Variants in PARD3 observed in about 807,000 individuals in gnomAD.
PARD3 encodes par-3 family cell polarity regulator, also known as partitioning defective 3 homolog.
PARD3 carries 75 observed loss-of-function variants against 155.4 expected under a neutral mutation model. That is an observed-to-expected ratio of 0.48 (90% confidence interval 0.40 to 0.58). The LOEUF (loss-of-function observed/expected upper bound fraction) is 0.58, where lower values mean the gene tolerates loss of function less well. Ranked by LOEUF, PARD3 falls within the 20% of genes least tolerant of loss-of-function variation. The pLI is 0.00. For missense variants in PARD3, 1,642 were observed against 1,721.7 expected, an observed-to-expected ratio of 0.95 and a Z score of 0.82; for synonymous variants, 576 against 610.5, an observed-to-expected ratio of 0.94 and a Z score of 0.83.
intron 3 of PARD3, among the ~76,000 whole-genome samples, chr10:34,493,682 A>C (rs1469212712): frequency 6.6e-6 from 1 of 152,030 alleles, no homozygotes; most frequent in Non-Finnish European, 1.5e-5. Context: ...CAGTGATCCA[A>C]GATAGTGCCA....
chr10:34,649,116 G>C (rs1258846184), intron 2 of PARD3, among the ~76,000 whole-genome samples: 1 of 152,158 alleles, frequency 6.6e-6, no homozygotes, highest in African/African-American at 2.4e-5. Context: ...TGAGCATACA[G>C]AGACATGCAT....
At chr10:34,140,254 T>C (rs1342347505) in intron 22 of PARD3, among the ~76,000 whole-genome samples, 1 of 152,206 alleles carries the variant, frequency 6.6e-6, no homozygotes, top group Non-Finnish European at 1.5e-5. Flanking sequence ...TGTTTCTTCT[T>C]GGAGAAAAAA....
intron 3 of PARD3, among the ~76,000 whole-genome samples, chr10:34,479,987 G>A (rs74132024): frequency 0.057 from 8,666 of 152,284 alleles, 813 homozygotes; most frequent in African/African-American, 0.2. Flanking sequence ...GGCCACAGCT[G>A]CACAAAAGCC....
intron 1 of PARD3, among the ~76,000 whole-genome samples, chr10:34,805,562 TATATAC>T (rs1167506812): frequency 5.4e-5 from 8 of 148,594 alleles, no homozygotes; most frequent in African/African-American, 7.4e-5. Context: ...TATATATATA[TATATAC>T]ACCGTACAGT....
chr10:34,142,818 A>G (rs1948263341), intron 22 of PARD3, among the ~76,000 whole-genome samples: 1 of 152,226 alleles, frequency 6.6e-6, no homozygotes, highest in South Asian at 2.1e-4. Flanking sequence ...AATAGGTTAG[A>G]GAACTGAAGA....
At chr10:34,176,177 G>A (rs1441019) in intron 22 of PARD3, among the ~76,000 whole-genome samples, 69,622 of 152,010 alleles carry the variant, frequency 0.46, 16,696 homozygotes, top group Non-Finnish European at 0.54. Context: ...TTTTCTATGC[G>A]TTTGGGCTCC....
intron 5 of PARD3, among the ~76,000 whole-genome samples, chr10:34,410,341 T>C (rs1844923186): frequency 6.6e-6 from 1 of 151,946 alleles, no homozygotes; most frequent in South Asian, 2.1e-4. Flanking sequence ...TCTTACATAG[T>C]AATAATAAAA....
intron 1 of PARD3, among the ~76,000 whole-genome samples, chr10:34,743,711 A>C (rs933057754): frequency 5.3e-5 from 8 of 152,206 alleles, no homozygotes; most frequent in African/African-American, 1.9e-4. Flanking sequence ...ACTTGAAGTC[A>C]TTGTTCCATT....
intron 24 of PARD3, among the ~76,000 whole-genome samples, chr10:34,117,084 C>T (rs1946716474): frequency 1.3e-5 from 2 of 152,178 alleles, no homozygotes; most frequent in South Asian, 4.1e-4. Flanking sequence ...GACCCAAGTG[C>T]CCCTTCTCCC....
At chr10:34,471,345 C>G (rs550254833) in intron 3 of PARD3, among the ~76,000 whole-genome samples, 2 of 152,242 alleles carry the variant, frequency 1.3e-5, no homozygotes, top group African/African-American at 4.8e-5. Context: ...AATAGGATCA[C>G]TGTCACAGCA....
intron 1 of PARD3, among the ~76,000 whole-genome samples, chr10:34,779,614 C>T (rs1461176409): frequency 6.6e-6 from 1 of 152,186 alleles, no homozygotes; most frequent in Non-Finnish European, 1.5e-5. Flanking sequence ...CAGCGTGACT[C>T]CATCTCAAAA....
At position 34,697,666 on chromosome 10, in the gene PARD3, A is replaced by C. The variant is rs1222062609; in HGVS notation, c.121-1247T>G. Among the ~76,000 whole-genome samples, 8 of 152,212 alleles carry C rather than the reference A, an allele frequency of 5.3e-5. No homozygotes were observed. The East Asian group carries it at 1.4e-3, about 26-fold the overall frequency. On this transcript the variant is annotated intron_variant, in intron 1 of 24. Transcript: ENST00000374788. ...AAAGTTATTAAACATTACCGTTAAA[A>C]CCATTTTGCAAGTAACAGAGTTCCT...
chr10:34,793,544 T>G (rs1177633688), intron 1 of PARD3, among the ~76,000 whole-genome samples: 5 of 152,212 alleles, frequency 3.3e-5, no homozygotes. Context: ...CCCGGCACTT[T>G]GGGAGGCCAA....
chr10:34,313,514 G>A (rs1419310216), intron 20 of PARD3, among the ~76,000 whole-genome samples: 8 of 152,100 alleles, frequency 5.3e-5, no homozygotes, highest in Admixed American at 2.6e-4. Flanking sequence ...TGATTCATAT[G>A]ACTCACATTC....
chr10:34,660,652 C>T (rs1334761809), intron 2 of PARD3, among the ~76,000 whole-genome samples: 1 of 151,982 alleles, frequency 6.6e-6, no homozygotes, highest in African/African-American at 2.4e-5. Context: ...GACCTGAATG[C>T]ACACCAACGC....
intron 1 of PARD3, among the ~76,000 whole-genome samples, chr10:34,700,576 G>GA (rs993364890): frequency 2.6e-5 from 4 of 151,700 alleles, no homozygotes; most frequent in African/African-American, 4.9e-5. Context: ...AAAGATCACT[G>GA]AAAAAAATCT....
chr10:34,300,875 T>TCACCATGGAGGGTAAGAAGTGA (rs1380297976), intron 20 of PARD3, among the ~76,000 whole-genome samples: 1 of 152,194 alleles, frequency 6.6e-6, no homozygotes, highest in Non-Finnish European at 1.5e-5. Flanking sequence ...TGACAGTCTC[T>TCACCATGGAGGGTAAGAAGTGA]CACCATGGAG....
At chr10:34,702,186 A>G (rs2094291834) in intron 1 of PARD3, among the ~76,000 whole-genome samples, 1 of 147,496 alleles carries the variant, frequency 6.8e-6, no homozygotes, top group Non-Finnish European at 1.5e-5. Context: ...TAATAAAACA[A>G]TTTTAATATT....
At chr10:34,484,567 T>G (rs1393574865) in intron 3 of PARD3, among the ~76,000 whole-genome samples, 1 of 152,142 alleles carries the variant, frequency 6.6e-6, no homozygotes, top group Non-Finnish European at 1.5e-5. Flanking sequence ...GTGCCATAAA[T>G]GTCTTTCCCT....
Sources: allele counts gnomAD v4.1 joint callset (sites outside exome capture counted in the v4.1 genomes callset), GRCh38; gene constraint gnomAD v4.1.1; transcripts MANE v1.5; gene names NCBI Gene and HGNC (gene_info 2026-07-23, HGNC 2026-07-21).